PREPL: variants seen among roughly 807,000 people sequenced by gnomAD.
PREPL encodes the protein prolyl endopeptidase like, also known as prolyl endopeptidase-like.
A neutral mutation model predicts 70.6 loss-of-function variants in PREPL; 77 were observed. The ratio of observed to expected loss-of-function variants is 1.09; its 90% CI spans 0.91 to 1.32. The LOEUF (loss-of-function observed/expected upper bound fraction) is 1.32, where lower values mean the gene tolerates loss of function less well. Ranked by LOEUF, PREPL falls within the 40% of genes most tolerant of loss-of-function variation. PREPL has a pLI of 0.00. For missense variants in PREPL, 1,002 were observed against 778.2 expected (o/e 1.29, Z -3.42); for synonymous variants, 315 against 264.8 (o/e 1.19, Z -1.84).
At chr2:44,328,144 G>C (rs1324004071) in intron 9 of PREPL, among the ~76,000 whole-genome samples, 1 of 151,772 alleles carries the variant, frequency 6.6e-6, no homozygotes, top group Admixed American at 6.6e-5. Flanking sequence ...AAATTAGTCA[G>C]GAGTTATGGC....
intron 8 of PREPL, among the ~76,000 whole-genome samples, chr2:44,329,543 T>G (rs1673878630): frequency 6.6e-6 from 1 of 152,194 alleles, no homozygotes; most frequent in Non-Finnish European, 1.5e-5. Flanking sequence ...ATATGCTGAC[T>G]AAAGTCTTAC....
intron 1 of PREPL, among the ~76,000 whole-genome samples, chr2:44,353,363 C>A (rs186985718): frequency 6.6e-6 from 1 of 151,970 alleles, no homozygotes; most frequent in East Asian, 1.9e-4. Context: ...TTGGGCAGAT[C>A]ACCCTGAGGT....
In PREPL at chr2:44,355,766, TATATATATATATAC is replaced by T. The variant is rs1232373100; in HGVS notation, c.-49+5600_-49+5613del. ...AAACTACATATTATATATATATATA[TATATATATATATAC>T]ACACACACACACATATGAATATGAG... On this transcript the variant is annotated intron_variant, in intron 1 of 13. Transcript: ENST00000409411. Among the ~76,000 whole-genome samples, 27 of 100,862 alleles carry T rather than the reference TATATATATATATAC, an allele frequency of 2.7e-4. No individual in the cohort carries two copies. The South Asian group carries it at 9.1e-3, about 34-fold the overall frequency. The allele number at this position is 100,862 out of a possible 152,430, so 66.2% of individuals were successfully genotyped here.
At position 44,320,219 on chromosome 2, in the gene PREPL, A is replaced by G. The variant is rs1274799487; in HGVS notation, c.*1137T>C. 6.2e-7 allele frequency: 1 copy of G among 1,613,748 alleles called. No homozygotes were observed. The highest frequency in any genetic ancestry group is 1.3e-5 in the African/African-American group (1 of 74,918). On this transcript the variant is annotated 3_prime_UTR_variant, in exon 14 of 14. Transcript: ENST00000409411. ...AATAGGTCCAAAAGACTCAGCCCAG[A>G]TCGGCTTTGAAGTTATATCAAGATT... is the stretch of plus-strand genomic sequence containing the variant.
At chr2:44,347,611 A>T (rs1004285070) in intron 1 of PREPL, among the ~76,000 whole-genome samples, 1 of 152,236 alleles carries the variant, frequency 6.6e-6, no homozygotes, top group African/African-American at 2.4e-5. Context: ...TATCAAATTT[A>T]AAAACTGTTT....
At chr2:44,350,828 T>C (rs143298449) in intron 1 of PREPL, among the ~76,000 whole-genome samples, 9 of 152,226 alleles carry the variant, frequency 5.9e-5, no homozygotes, top group South Asian at 2.1e-4. Context: ...AGGATCATGA[T>C]ACAATTGATC....
At position 44,329,030 on chromosome 2, in the gene PREPL, T is replaced by A. The variant is rs757204599; in HGVS notation, c.1169A>T (p.Tyr390Phe). 6.2e-7 allele frequency: 1 copy of A among 1,613,658 alleles called. No individual in the cohort carries two copies. The highest frequency in any genetic ancestry group is 8.5e-7 in the Non-Finnish European group (1 of 1,179,552). The change falls in exon 9 of 14, where the codon TAT becomes TTT. Residue 390 changes from tyrosine (Y) to phenylalanine (F), a missense_variant. Tyr to Phe is a conservative substitution (Grantham distance 22). Coordinates refer to ENST00000409411, the MANE Select transcript of PREPL (RefSeq NM_001171613.2). ...TTTCAAATCCATTCCATAAGCTCCATATACATGTACCAAGAGAGGTTTCTT... is the reference window on the plus strand; with the variant it reads ...TTTCAAATCCATTCCATAAGCTCCAAATACATGTACCAAGAGAGGTTTCTT... ...LQKKPLLVHV[Y>F]GAYGMDLKMN...
chr2:44,343,649 A>C (rs1675464150), intron 4 of PREPL, 96 bp downstream of exon 4: 4 of 1,087,172 alleles, frequency 3.7e-6, no homozygotes, highest in Non-Finnish European at 5.5e-6. Context: ...TGAATCAGGC[A>C]TTCACCTTCT....
intron 10 of PREPL, 23 bp from the exon 11 acceptor site, chr2:44,323,434 T>TA (rs1442430913): frequency 6.4e-7 from 1 of 1,554,204 alleles, no homozygotes; most frequent in Non-Finnish European, 8.7e-7. Context: ...CAAAGAAACT[T>TA]ATACTTCAAG....
chr2:44,342,568 G>C lies in PREPL; in HGVS notation c.350-16C>G. 1.4e-6 allele frequency: 2 copies of C among 1,470,534 alleles called. No homozygotes were observed. Among genetic ancestry groups the C allele is most frequent in the Non-Finnish European group, 1.8e-6 (2 of 1,089,466 alleles). The allele number at this position is 1,470,534 out of a possible 1,614,324, so 91.1% of individuals were successfully genotyped here. A position where few individuals can be genotyped will look rare whatever the true frequency, so the allele number is the denominator to read the frequency against. The stretch of plus-strand genomic sequence containing the variant: ...TTTACCCATTCTGAAAGAAAATAAT[G>C]AGATAATTATACATAATCACCTACA... On this transcript the variant is annotated splice_polypyrimidine_tract_variant and intron_variant, in intron 4 of 13. Transcript: ENST00000409411.
intron 1 of PREPL, among the ~76,000 whole-genome samples, chr2:44,355,075 T>C (rs1432543216): frequency 6.6e-6 from 1 of 152,186 alleles, no homozygotes; most frequent in Non-Finnish European, 1.5e-5. Flanking sequence ...CATCTACTAA[T>C]TGGGATAAAG....
chr2:44,345,816 C>A (rs1675746264), intron 2 of PREPL, among the ~76,000 whole-genome samples: 1 of 152,120 alleles, frequency 6.6e-6, no homozygotes, highest in Non-Finnish European at 1.5e-5. Flanking sequence ...GAACTACTTT[C>A]ATTTGAACTT....
intron 8 of PREPL, among the ~76,000 whole-genome samples, chr2:44,332,039 T>A (rs547885122): frequency 1.9e-4 from 29 of 150,528 alleles, no homozygotes; most frequent in Non-Finnish European, 3.5e-4. Context: ...CTCCGCCTCC[T>A]GGGTTCACGC....
At chr2:44,323,221 G>T in intron 11 of PREPL, 41 bp downstream of exon 11, 7 of 1,501,764 alleles carry the variant, frequency 4.7e-6, no homozygotes, top group South Asian at 1.3e-5. Context: ...ATTATCTTCT[G>T]TGTAAATTCA....
chr2:44,337,332 T>C (rs190201569), intron 7 of PREPL, among the ~76,000 whole-genome samples: 5 of 152,336 alleles, frequency 3.3e-5, no homozygotes, highest in African/African-American at 1.2e-4. Flanking sequence ...CAGCACATTT[T>C]ATGTTTTTGA....
Position 44,328,980 on chromosome 2 carries a change from C to G in PREPL, c.1219G>C (p.Val407Leu). ...AATATCCATCCATCATCCACCAGGA[C>G]CCGCCTCTCAGGCCTGAAATTCATT... ...LKMNFRPERR[V>L]LVDDGWILAY... Residue 407 changes from valine (V) to leucine (L), a missense_variant, in exon 9 of 14, where the codon GTC becomes CTC. Transcript: ENST00000409411. 6.2e-7 allele frequency: 1 copy of G among 1,614,028 alleles called. No homozygotes were observed. Among genetic ancestry groups the G allele is most frequent in the African/African-American group, 1.3e-5 (1 of 75,032 alleles).
chr2:44,319,897 G>T lies in PREPL; in HGVS notation c.*1459C>A. On this transcript the variant is annotated 3_prime_UTR_variant, in exon 14 of 14. Transcript: ENST00000409411. Reference sequence around the variant, plus strand: ...CAAGTTAAATATTCATCTTAGACATGGACATTTGCTTTGGGACTCCTAAAG... The same window carrying T: ...CAAGTTAAATATTCATCTTAGACATTGACATTTGCTTTGGGACTCCTAAAG... 3.0e-6 allele frequency: 1 copy of T among 327,976 alleles called. No individual in the cohort carries two copies. Among genetic ancestry groups the T allele is most frequent in the Non-Finnish European group, 5.7e-6 (1 of 176,258 alleles). The allele number at this position is 327,976 out of a possible 1,614,324, so 20.3% of individuals were successfully genotyped here.
chr2:44,352,184 C>T (rs927933098), intron 1 of PREPL, among the ~76,000 whole-genome samples: 1 of 152,194 alleles, frequency 6.6e-6, no homozygotes, highest in African/African-American at 2.4e-5. Context: ...TGCCTATTCA[C>T]ATCTTCCCCG....
In PREPL at chr2:44,338,542, T is replaced by C. The variant is rs1194250066; in HGVS notation, c.703-6A>G. ...TCAGCCGCTGTTCTCATTAGCTACGTGGAACAAAGTTAGAAGACATATAGG... is the reference window on the plus strand; with the variant it reads ...TCAGCCGCTGTTCTCATTAGCTACGCGGAACAAAGTTAGAAGACATATAGG... On this transcript the variant is annotated splice_region_variant and splice_polypyrimidine_tract_variant and intron_variant, in intron 6 of 13. Transcript: ENST00000409411. 3 of 1,595,144 alleles carry C rather than the reference T, an allele frequency of 1.9e-6. No homozygotes were observed. The highest frequency in any genetic ancestry group is 1.7e-6 in the Non-Finnish European group (2 of 1,174,638).
Sources: gnomAD v4.1 joint callset for allele counts (sites outside exome capture counted in the v4.1 genomes callset) on GRCh38, gnomAD v4.1.1 for gene constraint, MANE v1.5 for transcripts, NCBI Gene and HGNC (gene_info 2026-07-23, HGNC 2026-07-21) for gene names.